The following KCNMB4 variants were observed in gnomAD, a reference collection of about 807,000 sequenced individuals.
KCNMB4 encodes the protein calcium-activated potassium channel subunit beta-4.
KCNMB4 carries 3 observed loss-of-function variants against 20.7 expected under a neutral mutation model. The ratio of observed to expected loss-of-function variants is 0.14; its 90% CI spans 0.07 to 0.37. The LOEUF (loss-of-function observed/expected upper bound fraction) is 0.37. KCNMB4 is among the 10% of genes least tolerant of loss of function. The pLI, the probability that KCNMB4 is intolerant of heterozygous loss-of-function variation, is 1.00. For synonymous variants in KCNMB4, 110 were observed against 113.4 expected (o/e 0.97, Z 0.19); for missense variants, 168 against 265.9 (o/e 0.63, Z 2.56).
chr12:70,413,727 A>G (rs1868843567), intron 2 of KCNMB4, among the ~76,000 whole-genome samples: 1 of 152,168 alleles, frequency 6.6e-6, no homozygotes, highest in Admixed American at 6.5e-5. Flanking sequence ...TCTGTTCTCT[A>G]CTTGAACGAC....
intron 1 of KCNMB4, 104 bp from the exon 2 acceptor site, chr12:70,400,105 A>T (rs1868411804): frequency 1.1e-6 from 1 of 905,504 alleles, no homozygotes; most frequent in South Asian, 2.9e-5. Context: ...AGGGAGGCCT[A>T]AATTAGATTT....
At chr12:70,381,929 T>G (rs1336253574) in intron 1 of KCNMB4, among the ~76,000 whole-genome samples, 1 of 152,220 alleles carries the variant, frequency 6.6e-6, no homozygotes, top group Non-Finnish European at 1.5e-5. Context: ...GAATGATTGC[T>G]TTGCAAATTT....
At chr12:70,403,127 A>G (rs907524507) in intron 2 of KCNMB4, among the ~76,000 whole-genome samples, 10 of 114,634 alleles carry the variant, frequency 8.7e-5, no homozygotes, top group African/African-American at 3.8e-4. Flanking sequence ...GGTGTTGTGG[A>G]ACAACCAAAA....
intron 1 of KCNMB4, 42 bp from the exon 2 acceptor site, chr12:70,400,167 C>G (rs571386810): frequency 1.4e-5 from 20 of 1,457,906 alleles, no homozygotes; most frequent in Non-Finnish European, 1.8e-5. Flanking sequence ...TCTCAATGTT[C>G]CATAAAATAA....
chr12:70,406,842 A>G (rs907379169), intron 2 of KCNMB4, among the ~76,000 whole-genome samples: 2 of 152,216 alleles, frequency 1.3e-5, no homozygotes, highest in Non-Finnish European at 2.9e-5. Flanking sequence ...CTATTCCTCC[A>G]GAAGTGTGAG....
Position 70,430,513 on chromosome 12 carries a change from C to A in KCNMB4, c.493C>A (p.His165Asn). ...AGATGATGTGCTTCTGCATCGCACT[C>A]ATGATGAGATTGTCCTCCTGCATTG... ...RPDDVLLHRT[H>N]DEIVLLHCFL... Residue 165 changes from histidine (H) to asparagine (N), a missense_variant, in exon 3 of 3, where the codon CAT becomes AAT. Transcript: ENST00000258111. 4 of 1,613,110 alleles carry A rather than the reference C, an allele frequency of 2.5e-6. No homozygotes were observed. The highest frequency in any genetic ancestry group is 3.4e-6 in the Non-Finnish European group (4 of 1,179,676).
At chr12:70,390,874 T>C (rs568227508) in intron 1 of KCNMB4, among the ~76,000 whole-genome samples, 4 of 152,338 alleles carry the variant, frequency 2.6e-5, no homozygotes, top group Admixed American at 1.3e-4. Context: ...ACAGGTGTAC[T>C]TAGAGTCCCC....
At chr12:70,425,946 C>T (rs982600227) in intron 2 of KCNMB4, among the ~76,000 whole-genome samples, 2 of 152,110 alleles carry the variant, frequency 1.3e-5, no homozygotes, top group Non-Finnish European at 2.9e-5. Context: ...CAAGACCAGC[C>T]TGGGCAACAT....
chr12:70,418,514 A>G (rs1868968342), intron 2 of KCNMB4, among the ~76,000 whole-genome samples: 1 of 152,132 alleles, frequency 6.6e-6, no homozygotes, highest in Non-Finnish European at 1.5e-5. Flanking sequence ...TCTTGGACAA[A>G]CCTAGAAGAC....
intron 1 of KCNMB4, among the ~76,000 whole-genome samples, chr12:70,399,744 A>C (rs145592133): frequency 7.0e-4 from 107 of 152,324 alleles, no homozygotes; most frequent in East Asian, 6.6e-3. Flanking sequence ...TACGAAAAGA[A>C]AACTTGGGTT....
intron 2 of KCNMB4, among the ~76,000 whole-genome samples, chr12:70,407,301 T>C (rs1487016650): frequency 6.6e-6 from 1 of 151,976 alleles, no homozygotes; most frequent in Non-Finnish European, 1.5e-5. Flanking sequence ...TCCCAGCACC[T>C]TGATGTATGC....
At chr12:70,422,637 A>G in intron 2 of KCNMB4, 1 of 1,188,326 alleles carries the variant, frequency 8.4e-7, no homozygotes, top group Non-Finnish European at 1.1e-6. Flanking sequence ...CTGACTTTAG[A>G]ATAAAATTCA....
chr12:70,416,961 T>C (rs1237543080), intron 2 of KCNMB4, among the ~76,000 whole-genome samples: 1 of 152,340 alleles, frequency 6.6e-6, no homozygotes, highest in South Asian at 2.1e-4. Context: ...GATGATATTA[T>C]AACAGAAGGT....
intron 2 of KCNMB4, chr12:70,422,650 C>T (rs556440831): frequency 1.4e-5 from 18 of 1,245,316 alleles, no homozygotes; most frequent in South Asian, 2.6e-5. Flanking sequence ...AAAATTCATT[C>T]GTTGATTTGC....
intron 2 of KCNMB4, among the ~76,000 whole-genome samples, chr12:70,428,086 G>A (rs1458454341): frequency 6.6e-6 from 1 of 151,720 alleles, no homozygotes; most frequent in Non-Finnish European, 1.5e-5. Context: ...CAGCTTGATC[G>A]TGGCTCACTG....
intron 2 of KCNMB4, among the ~76,000 whole-genome samples, chr12:70,430,231 T>C (rs1869323637): frequency 6.6e-6 from 1 of 152,132 alleles, no homozygotes; most frequent in Non-Finnish European, 1.5e-5. Context: ...AATCATAGCA[T>C]AAGAGATACA....
At chr12:70,371,778 A>G (rs1250706352) in intron 1 of KCNMB4, among the ~76,000 whole-genome samples, 1 of 152,238 alleles carries the variant, frequency 6.6e-6, no homozygotes, top group Non-Finnish European at 1.5e-5. Flanking sequence ...ATCCTGAGCT[A>G]TGTGTGCATT....
chr12:70,396,497 G>A (rs1868352313), intron 1 of KCNMB4, among the ~76,000 whole-genome samples: 1 of 152,052 alleles, frequency 6.6e-6, no homozygotes, highest in East Asian at 1.9e-4. Context: ...GTAGAGATGG[G>A]GTTTTACCCT....
chr12:70,420,940 C>T (rs1869034978), intron 2 of KCNMB4, among the ~76,000 whole-genome samples: 1 of 133,694 alleles, frequency 7.5e-6, no homozygotes, highest in Non-Finnish European at 1.6e-5. Context: ...CACCTGTAGT[C>T]CCAGCGGGAG....
Sources: allele counts gnomAD v4.1 joint callset (sites outside exome capture counted in the v4.1 genomes callset), GRCh38; gene constraint gnomAD v4.1.1; transcripts MANE v1.5; gene names NCBI Gene and HGNC (gene_info 2026-07-23, HGNC 2026-07-21).